BCAS3: variants seen among roughly 807,000 people sequenced by gnomAD.
BCAS3 encodes BCAS3 microtubule associated cell migration factor, also known as BCAS4/BCAS3 fusion.
Under a neutral mutation model 116.1 loss-of-function variants are expected in BCAS3, and 53 were observed. The ratio of observed to expected loss-of-function variants is 0.46; its 90% CI spans 0.37 to 0.57. The LOEUF (loss-of-function observed/expected upper bound fraction) is 0.57, where lower values mean the gene tolerates loss of function less well. Ranked by LOEUF, BCAS3 falls within the 20% of genes least tolerant of loss-of-function variation. The probability of loss-of-function intolerance (pLI) is 0.00; values close to 1 mark genes in which losing one functional copy is unlikely to be tolerated. For missense variants in BCAS3, 917 were observed against 1,165.4 expected (o/e 0.79, Z 3.10); for synonymous variants, 391 against 408.2 (o/e 0.96, Z 0.51).
chr17:60,818,619 G>A (rs2049654222), intron 7 of BCAS3, among the ~76,000 whole-genome samples: 1 of 152,148 alleles, frequency 6.6e-6, no homozygotes, highest in African/African-American at 2.4e-5. Flanking sequence ...AGGCAGCAAA[G>A]TAGATTTATG....
At chr17:61,153,678 A>T (rs553191025) in intron 22 of BCAS3, among the ~76,000 whole-genome samples, 2 of 152,298 alleles carry the variant, frequency 1.3e-5, no homozygotes, top group East Asian at 3.9e-4. Context: ...AATTATCTCT[A>T]CCATTGTATG....
At chr17:61,133,881 AAG>A (rs1555734686) in intron 22 of BCAS3, among the ~76,000 whole-genome samples, 1 of 151,400 alleles carries the variant, frequency 6.6e-6, no homozygotes, top group Non-Finnish European at 1.5e-5. Flanking sequence ...AAAAAAAAAA[AAG>A]GAAACCCAAA....
rs893666435 is a variant in BCAS3, at chr17:61,203,205, T to G, written c.2425+118641T>G. On this transcript the variant is annotated intron_variant, in intron 22 of 23. Coordinates refer to ENST00000407086, the MANE Select transcript of BCAS3 (RefSeq NM_017679.5). The surrounding 1 kb of genome is among the most constrained non-coding windows in gnomAD (Gnocchi z 5.7). Reference sequence around the variant, plus strand: ...ACAGTTTCACTCTTGTCACTCAGGCTGGAGTACAATGGCACGATCTTGGCT... The same window carrying G: ...ACAGTTTCACTCTTGTCACTCAGGCGGGAGTACAATGGCACGATCTTGGCT... Among the ~76,000 whole-genome samples, 1 of 152,190 alleles carries G rather than the reference T, an allele frequency of 6.6e-6. No individual in the cohort carries two copies. The highest frequency in any genetic ancestry group is 2.4e-5 in the African/African-American group (1 of 41,444).
In BCAS3 at chr17:61,049,993, A is replaced by G. The variant is rs147707545; in HGVS notation, c.2029+9101A>G. 1.3e-3 allele frequency among the ~76,000 whole-genome samples: 197 copies of G among 152,106 alleles called. 2 individuals are homozygous for G. In the East Asian group the frequency reaches 0.029, roughly 23 times the overall value. Reference sequence around the variant, plus strand: ...AGATGATCGTCTACCTCGGCCTCCCAAAGTGTTGGGATTACAGGCGTGAGC... The same window carrying G: ...AGATGATCGTCTACCTCGGCCTCCCGAAGTGTTGGGATTACAGGCGTGAGC... On this transcript the variant is annotated intron_variant, in intron 19 of 23. Transcript: ENST00000407086.
At chr17:61,321,596 G>C (rs1056810679) in intron 22 of BCAS3, among the ~76,000 whole-genome samples, 1 of 152,208 alleles carries the variant, frequency 6.6e-6, no homozygotes, top group Non-Finnish European at 1.5e-5. Context: ...GGCTGCTTGT[G>C]CCCTTATCCC....
At position 61,278,045 on chromosome 17, in the gene BCAS3, T is replaced by G. The variant is rs2050918915; in HGVS notation, c.2426-90282T>G. Among the ~76,000 whole-genome samples the G allele has an allele frequency of 6.6e-6, 1 of 152,190 alleles. No individual in the cohort carries two copies. The highest frequency in any genetic ancestry group is 6.5e-5 in the Admixed American group (1 of 15,276). ...CAAAAAATGGTTTGTTTTGTTTTGT[T>G]TTGTTTTGTTTGACGGAGTCACACT... On this transcript the variant is annotated intron_variant, in intron 22 of 23. Coordinates refer to ENST00000407086, the MANE Select transcript of BCAS3 (RefSeq NM_017679.5). This position sits in a 1 kb window ranked among gnomAD's most constrained non-coding sequence, Gnocchi z 5.8.
intron 4 of BCAS3, among the ~76,000 whole-genome samples, chr17:60,690,772 T>G (rs942560005): frequency 6.6e-6 from 1 of 150,550 alleles, no homozygotes; most frequent in African/African-American, 2.4e-5. Context: ...AATACAAAAT[T>G]AGTCGGGCAT....
At chr17:61,142,857 TC>T (rs2076996654) in intron 22 of BCAS3, among the ~76,000 whole-genome samples, 1 of 152,232 alleles carries the variant, frequency 6.6e-6, no homozygotes, top group African/African-American at 2.4e-5. Flanking sequence ...TTCAAAATTC[TC>T]CATAATAAAA....
chr17:61,287,494 G>T (rs1303610918), intron 22 of BCAS3, among the ~76,000 whole-genome samples: 2 of 152,190 alleles, frequency 1.3e-5, no homozygotes, highest in Admixed American at 6.5e-5. Flanking sequence ...GGGAGGCTAA[G>T]ACAGGAGGAT....
At chr17:61,107,842 G>C (rs561587124) in intron 22 of BCAS3, among the ~76,000 whole-genome samples, 3 of 152,166 alleles carry the variant, frequency 2.0e-5, no homozygotes, top group Admixed American at 2.0e-4. Context: ...TTTTCATGTA[G>C]ATAAAAGAAG....
chr17:60,799,529 T>G (rs2047530595), intron 6 of BCAS3, among the ~76,000 whole-genome samples: 1 of 128,220 alleles, frequency 7.8e-6, no homozygotes, highest in Admixed American at 7.5e-5. Context: ...TGTTTGTTTT[T>G]TTTTTTTTTT....
At chr17:61,253,104 G>C (rs1452146283) in intron 22 of BCAS3, among the ~76,000 whole-genome samples, 2 of 151,324 alleles carry the variant, frequency 1.3e-5, no homozygotes, top group African/African-American at 4.8e-5. Flanking sequence ...TCGAACTCCT[G>C]ACCTCAGGTG....
At chr17:61,174,959 A>C (rs1356264093) in intron 22 of BCAS3, among the ~76,000 whole-genome samples, 3 of 152,178 alleles carry the variant, frequency 2.0e-5, no homozygotes, top group Non-Finnish European at 4.4e-5. Context: ...GTACTTTTCT[A>C]TGGGAGCTTC....
intron 19 of BCAS3, among the ~76,000 whole-genome samples, chr17:61,045,852 T>TCTCTCTCC (rs1568210153): frequency 0.022 from 11 of 496 alleles, no homozygotes; most frequent in African/African-American, 0.043. Context: ...TCTCTCTCTA[T>TCTCTCTCC]ATATATATAT....
intron 7 of BCAS3, among the ~76,000 whole-genome samples, chr17:60,835,512 A>G (rs2051293296): frequency 6.6e-6 from 1 of 152,114 alleles, no homozygotes; most frequent in African/African-American, 2.4e-5. Context: ...TGTTTTAGCA[A>G]CCAAAATCTT....
rs1346362454 is a variant in BCAS3, at chr17:61,140,724, G to A, written c.2425+56160G>A. On this transcript the variant is annotated intron_variant, in intron 22 of 23. Coordinates refer to ENST00000407086, the MANE Select transcript of BCAS3 (RefSeq NM_017679.5). This position sits in a 1 kb window ranked among gnomAD's most constrained non-coding sequence, Gnocchi z 4.2. ...AAGCTAATTGTTTGTGATTTTTTAA[G>A]TTAATAAATATATATTTACATAGTT... is the stretch of plus-strand genomic sequence containing the variant. Among the ~76,000 whole-genome samples, 1 of 151,882 alleles carries A rather than the reference G, an allele frequency of 6.6e-6. No individual in the cohort carries two copies. Among genetic ancestry groups the A allele is most frequent in the Non-Finnish European group, 1.5e-5 (1 of 67,990 alleles).
At chr17:61,237,913 A>G (rs1197958766) in intron 22 of BCAS3, among the ~76,000 whole-genome samples, 1 of 152,210 alleles carries the variant, frequency 6.6e-6, no homozygotes. Flanking sequence ...TGGATCACCC[A>G]TATTCCTGAA....
intron 22 of BCAS3, among the ~76,000 whole-genome samples, chr17:61,250,690 T>G (rs769068389): frequency 6.6e-6 from 1 of 152,198 alleles, no homozygotes; most frequent in African/African-American, 2.4e-5. Flanking sequence ...TACTAACCCA[T>G]GTACATGCTG....
Position 61,028,842 on chromosome 17 carries a change from C to A in BCAS3, c.1638-5824C>A, listed in dbSNP as rs2066441341. ...CTCACAAGAAACTCGTTTTTAGTCA[C>A]TTATACTAGACTAAAAGGTTCTCCT... On this transcript the variant is annotated intron_variant, in intron 16 of 23. Coordinates refer to ENST00000407086, the MANE Select transcript of BCAS3 (RefSeq NM_017679.5). The surrounding 1 kb of genome is among the most constrained non-coding windows in gnomAD (Gnocchi z 4.3). Among the ~76,000 whole-genome samples the A allele has an allele frequency of 6.6e-6, 1 of 151,870 alleles. No individual in the cohort carries two copies. Among genetic ancestry groups the A allele is most frequent in the South Asian group, 2.1e-4 (1 of 4,834 alleles).
Sources: allele counts gnomAD v4.1 joint callset (sites outside exome capture counted in the v4.1 genomes callset), GRCh38; gene constraint gnomAD v4.1.1; non-coding constraint Gnocchi (gnomAD v3.1); transcripts MANE v1.5; gene names NCBI Gene and HGNC (gene_info 2026-07-23, HGNC 2026-07-21).